ZMIZ1: variants seen among roughly 807,000 people sequenced by gnomAD.
ZMIZ1 encodes the protein zinc finger MIZ-type containing 1.
Under a neutral mutation model 113.9 loss-of-function variants are expected in ZMIZ1, and 17 were observed. The observed-to-expected ratio is 0.15, with a 90% CI of 0.10 to 0.22. The LOEUF is 0.22. ZMIZ1 is among the 10% of genes least tolerant of loss of function. The pLI, the probability that ZMIZ1 is intolerant of heterozygous loss-of-function variation, is 1.00. For synonymous variants in ZMIZ1, 607 were observed against 603.1 expected, an observed-to-expected ratio of 1.01 and a Z score of -0.09; for missense variants, 1,059 against 1,477.8, an observed-to-expected ratio of 0.72 and a Z score of 4.65.
chr10:79,197,937 G>A (rs4980047), intron 4 of ZMIZ1, among the ~76,000 whole-genome samples: 38,438 of 151,950 alleles, frequency 0.25, 6,079 homozygotes, highest in African/African-American at 0.44. Context: ...CAACCCATCT[G>A]GCCTAGGACC....
chr10:79,250,050 C>T (rs758450676), intron 7 of ZMIZ1, among the ~76,000 whole-genome samples: 7 of 152,186 alleles, frequency 4.6e-5, no homozygotes, highest in Non-Finnish European at 1.0e-4. Flanking sequence ...TGAGATGGGG[C>T]TAAAAGGCGC....
intron 4 of ZMIZ1, among the ~76,000 whole-genome samples, chr10:79,193,050 G>A (rs1847674739): frequency 6.6e-6 from 1 of 152,142 alleles, no homozygotes; most frequent in South Asian, 2.1e-4. Context: ...TCCAGCCCGT[G>A]TGCCTGGTGC....
intron 8 of ZMIZ1, among the ~76,000 whole-genome samples, chr10:79,279,051 G>T (rs986950792): frequency 2.0e-5 from 3 of 149,270 alleles, no homozygotes; most frequent in Non-Finnish European, 3.0e-5. Flanking sequence ...ACGGGGCGGC[G>T]GCCGGGCGGG....
intron 3 of ZMIZ1, among the ~76,000 whole-genome samples, chr10:79,159,902 G>A (rs1007011587): frequency 2.6e-5 from 4 of 152,122 alleles, no homozygotes; most frequent in Non-Finnish European, 5.9e-5. Context: ...AGTGAGGTAC[G>A]TGTGTGCACC....
At chr10:79,183,383 C>T (rs1432908535) in intron 4 of ZMIZ1, among the ~76,000 whole-genome samples, 1 of 151,878 alleles carries the variant, frequency 6.6e-6, no homozygotes, top group East Asian at 1.9e-4. Context: ...CACACACACA[C>T]GCACACACCC....
chr10:79,303,834 G>A (rs868690312), intron 18 of ZMIZ1, among the ~76,000 whole-genome samples, 181 bp from the exon 19 acceptor site: 3 of 152,232 alleles, frequency 2.0e-5, no homozygotes, highest in East Asian at 1.9e-4. Context: ...ACAGCAGCCC[G>A]GGCACCCGGC....
chr10:79,227,964 T>C (rs1006117571), intron 7 of ZMIZ1, among the ~76,000 whole-genome samples: 5 of 152,194 alleles, frequency 3.3e-5, no homozygotes, highest in African/African-American at 1.2e-4. Context: ...AGAGGGAGGC[T>C]GGACAGGGCC....
At chr10:79,288,826 C>G (rs1853270081) in intron 8 of ZMIZ1, among the ~76,000 whole-genome samples, 1 of 152,206 alleles carries the variant, frequency 6.6e-6, no homozygotes, top group Non-Finnish European at 1.5e-5. Context: ...TAGACCTAAG[C>G]ACAAGAGGTG....
Position 79,162,147 on chromosome 10 carries a change from G to A in ZMIZ1, c.-50+14G>A, listed in dbSNP as rs1162979354. 12 of 399,360 alleles carry A rather than the reference G, an allele frequency of 3.0e-5. No individual in the cohort carries two copies. The highest frequency in any genetic ancestry group is 8.8e-5 in the Admixed American group (2 of 22,722). 24.7% of individuals were successfully genotyped at this position (399,360 alleles called of 1,614,324 possible). A position where few individuals can be genotyped will look rare whatever the true frequency, so the allele number is the denominator to read the frequency against. On this transcript the variant is annotated intron_variant, in intron 4 of 24. Coordinates refer to ENST00000334512, the MANE Select transcript of ZMIZ1 (RefSeq NM_020338.4). The stretch of plus-strand genomic sequence containing the variant: ...CAGATCACTGAGGTAGGTGTGCCAC[G>A]GGGCTGGCGGGAGGTGGCTGGGTCG...
intron 4 of ZMIZ1, among the ~76,000 whole-genome samples, chr10:79,198,507 A>G (rs1030642828): frequency 2.0e-5 from 3 of 152,054 alleles, no homozygotes; most frequent in African/African-American, 7.3e-5. Context: ...GACATGTGTG[A>G]TAGGTGGTGG....
chr10:79,215,767 C>T (rs1168261214), intron 6 of ZMIZ1, among the ~76,000 whole-genome samples: 1 of 151,984 alleles, frequency 6.6e-6, no homozygotes, highest in Admixed American at 6.5e-5. Context: ...TGGGGGAGTT[C>T]CTGAGGGCCC....
chr10:79,137,800 G>A (rs1288223625), intron 2 of ZMIZ1, among the ~76,000 whole-genome samples: 11 of 151,062 alleles, frequency 7.3e-5, no homozygotes, highest in African/African-American at 7.4e-5. Context: ...CCTGGGGGAG[G>A]ACCTCTGAGA....
intron 7 of ZMIZ1, among the ~76,000 whole-genome samples, chr10:79,264,101 G>C (rs1851436033): frequency 6.6e-6 from 1 of 152,236 alleles, no homozygotes; most frequent in Non-Finnish European, 1.5e-5. Context: ...GGCTCCTGCT[G>C]GAATGAGAGC....
chr10:79,226,432 C>T (rs1849202892), intron 7 of ZMIZ1, among the ~76,000 whole-genome samples: 1 of 152,218 alleles, frequency 6.6e-6, no homozygotes, highest in African/African-American at 2.4e-5. Flanking sequence ...CACAGGTGCA[C>T]CCAGGACAGA....
At chr10:79,224,948 G>C (rs1849142077) in intron 7 of ZMIZ1, among the ~76,000 whole-genome samples, 1 of 152,232 alleles carries the variant, frequency 6.6e-6, no homozygotes, top group Non-Finnish European at 1.5e-5. Flanking sequence ...CTGGGGCTCA[G>C]TCCTGCTGGG....
chr10:79,147,566 C>G (rs754099062), intron 3 of ZMIZ1, among the ~76,000 whole-genome samples: 3 of 152,220 alleles, frequency 2.0e-5, no homozygotes, highest in Non-Finnish European at 4.4e-5. Context: ...TGTCAGAACA[C>G]AGACCTTCTG....
At chr10:79,126,522 A>C (rs1241727309) in intron 2 of ZMIZ1, among the ~76,000 whole-genome samples, 2 of 152,220 alleles carry the variant, frequency 1.3e-5, no homozygotes, top group East Asian at 3.8e-4. Context: ...TTCCACGCAA[A>C]GGGAACAGCT....
intron 4 of ZMIZ1, among the ~76,000 whole-genome samples, chr10:79,189,338 G>A (rs891490532): frequency 3.9e-5 from 6 of 152,152 alleles, no homozygotes; most frequent in African/African-American, 9.7e-5. Flanking sequence ...ACTCTGTCAC[G>A]CAGGCACCCA....
chr10:79,264,311 T>C (rs542232126), intron 7 of ZMIZ1, among the ~76,000 whole-genome samples: 1 of 152,268 alleles, frequency 6.6e-6, no homozygotes, highest in East Asian at 1.9e-4. Context: ...TCGAGAGGCA[T>C]TTGGCACTCA....
Sources: allele counts gnomAD v4.1 joint callset (sites outside exome capture counted in the v4.1 genomes callset), GRCh38; gene constraint gnomAD v4.1.1; transcripts MANE v1.5; gene names NCBI Gene and HGNC (gene_info 2026-07-23, HGNC 2026-07-21).